SUPT3H: variants seen among roughly 807,000 people sequenced by gnomAD.
The protein encoded by SUPT3H is transcription initiation protein SPT3 homolog.
In SUPT3H, 44 loss-of-function variants were observed where a neutral mutation model predicts 44.3. That is an observed-to-expected ratio of 0.99 (90% CI 0.78 to 1.28). The LOEUF (loss-of-function observed/expected upper bound fraction) is 1.28, where lower values mean the gene tolerates loss of function less well. Ranked by LOEUF, SUPT3H falls within the 50% of genes most tolerant of loss-of-function variation. The pLI is 0.00. For synonymous variants in SUPT3H, 124 were observed against 125.6 expected, an observed-to-expected ratio of 0.99 and a Z score of 0.09; for missense variants, 380 against 387.1, an observed-to-expected ratio of 0.98 and a Z score of 0.15.
intron 2 of SUPT3H, among the ~76,000 whole-genome samples, chr6:45,183,538 A>G (rs756017791): frequency 6.6e-6 from 1 of 152,244 alleles, no homozygotes; most frequent in Non-Finnish European, 1.5e-5. Context: ...ACAAGCTTTT[A>G]AACAACCAGC....
chr6:44,917,368 C>T (rs1481161467), intron 10 of SUPT3H, among the ~76,000 whole-genome samples: 1 of 152,142 alleles, frequency 6.6e-6, no homozygotes, highest in Non-Finnish European at 1.5e-5. Flanking sequence ...TACATGTTTA[C>T]ACACATATAC....
intron 2 of SUPT3H, among the ~76,000 whole-genome samples, chr6:45,148,314 A>T (rs1368169203): frequency 6.6e-6 from 1 of 152,162 alleles, no homozygotes; most frequent in Non-Finnish European, 1.5e-5. Context: ...ATGTTACACA[A>T]GAGAAAATCA....
intron 9 of SUPT3H, among the ~76,000 whole-genome samples, chr6:44,938,782 C>A (rs1771910766): frequency 6.6e-6 from 1 of 152,026 alleles, no homozygotes; most frequent in Non-Finnish European, 1.5e-5. Context: ...TTGTAGAGAT[C>A]TTTCATTTCA....
chr6:45,038,793 T>C (rs1184588596), intron 3 of SUPT3H, among the ~76,000 whole-genome samples: 1 of 152,176 alleles, frequency 6.6e-6, no homozygotes, highest in African/African-American at 2.4e-5. Context: ...TTTAAAGGTG[T>C]ATTATACCTT....
chr6:44,969,245 T>G (rs1292931578), intron 6 of SUPT3H, among the ~76,000 whole-genome samples: 1 of 152,212 alleles, frequency 6.6e-6, no homozygotes, highest in Non-Finnish European at 1.5e-5. Context: ...AGAATGCATG[T>G]ACCTTAATTC....
chr6:45,307,296 G>A (rs895275911), intron 2 of SUPT3H, among the ~76,000 whole-genome samples: 4 of 152,318 alleles, frequency 2.6e-5, no homozygotes, highest in South Asian at 2.1e-4. Context: ...ACAGCTGGAG[G>A]TCTGAGAACA....
At chr6:44,942,483 C>T (rs376475587) in intron 9 of SUPT3H, among the ~76,000 whole-genome samples, 8 of 152,076 alleles carry the variant, frequency 5.3e-5, no homozygotes, top group East Asian at 1.9e-4. Context: ...CCTTGATAAA[C>T]GAGATGCCAG....
intron 10 of SUPT3H, among the ~76,000 whole-genome samples, chr6:44,857,592 A>T (rs1265731198): frequency 6.6e-6 from 1 of 152,200 alleles, no homozygotes; most frequent in Non-Finnish European, 1.5e-5. Flanking sequence ...TGCTATTATT[A>T]TGTAGCATTA....
At chr6:45,219,605 T>A (rs919390446) in intron 2 of SUPT3H, among the ~76,000 whole-genome samples, 1 of 152,136 alleles carries the variant, frequency 6.6e-6, no homozygotes, top group South Asian at 2.1e-4. Context: ...ATATGAACTG[T>A]CCTATAACAA....
chr6:44,913,256 T>C (rs1767329594), intron 10 of SUPT3H, among the ~76,000 whole-genome samples: 1 of 152,216 alleles, frequency 6.6e-6, no homozygotes, highest in Admixed American at 6.5e-5. Flanking sequence ...GCTACAATGC[T>C]GAGAATTCTT....
rs571588146 is a variant in SUPT3H at position 45,075,558 on chromosome 6, G to A, written c.186+30364C>T. 4.6e-5 allele frequency among the ~76,000 whole-genome samples: 7 copies of A among 152,084 alleles called. No individual in the cohort carries two copies. The East Asian group carries it at 5.8e-4, about 13-fold the overall frequency. ...ATTACATTATCTGGTAAATTTTCTC[G>A]TCATGAAATTCCATCTCATGATAGC... On this transcript the variant is annotated intron_variant, in intron 3 of 10. Coordinates refer to ENST00000371459, the MANE Select transcript of SUPT3H (RefSeq NM_003599.4).
At chr6:45,057,868 A>T (rs891549723) in intron 3 of SUPT3H, among the ~76,000 whole-genome samples, 1 of 152,130 alleles carries the variant, frequency 6.6e-6, no homozygotes, top group African/African-American at 2.4e-5. Flanking sequence ...AAAACAAGAA[A>T]AAAGAAAAAT....
intron 2 of SUPT3H, among the ~76,000 whole-genome samples, chr6:45,332,416 T>C (rs1274028107): frequency 6.6e-6 from 1 of 151,820 alleles, no homozygotes; most frequent in Non-Finnish European, 1.5e-5. Context: ...CTATATTATT[T>C]ATTTTTGCAT....
intron 11 of SUPT3H, among the ~76,000 whole-genome samples, chr6:44,815,720 A>G (rs7769218): frequency 0.17 from 25,233 of 152,090 alleles, 2,684 homozygotes; most frequent in Admixed American, 0.29. Flanking sequence ...AGATAAGTCT[A>G]CAATATTAAT....
At chr6:45,185,655 CCT>C (rs774563951) in intron 2 of SUPT3H, among the ~76,000 whole-genome samples, 15 of 152,222 alleles carry the variant, frequency 9.9e-5, no homozygotes, top group Non-Finnish European at 2.2e-4. Flanking sequence ...ACATAAGCTT[CCT>C]CTGTTCCCCC....
At chr6:45,329,682 A>G (rs984863232) in intron 2 of SUPT3H, among the ~76,000 whole-genome samples, 15 of 152,068 alleles carry the variant, frequency 9.9e-5, no homozygotes, top group African/African-American at 3.6e-4. Context: ...TTTAAAAGCC[A>G]CAACTATTAA....
At chr6:45,275,535 G>C (rs1366540852) in intron 2 of SUPT3H, among the ~76,000 whole-genome samples, 1 of 152,178 alleles carries the variant, frequency 6.6e-6, no homozygotes, top group Non-Finnish European at 1.5e-5. Flanking sequence ...TCACAGATTT[G>C]AAGAGACTAA....
intron 2 of SUPT3H, among the ~76,000 whole-genome samples, chr6:45,151,010 C>T (rs764665465): frequency 4.6e-5 from 7 of 152,144 alleles, no homozygotes; most frequent in South Asian, 2.1e-4. Context: ...CGTGAGCCAC[C>T]GCACCCAGCC....
At chr6:44,895,079 CATTT>C (rs1339298667) in intron 10 of SUPT3H, among the ~76,000 whole-genome samples, 2 of 152,068 alleles carry the variant, frequency 1.3e-5, no homozygotes, top group East Asian at 1.9e-4. Context: ...TTTTCTTTAA[CATTT>C]ATTTTTTTCC....
Sources: gnomAD v4.1 joint callset for allele counts (sites outside exome capture counted in the v4.1 genomes callset) on GRCh38, gnomAD v4.1.1 for gene constraint, MANE v1.5 for transcripts, NCBI Gene and HGNC (gene_info 2026-07-23, HGNC 2026-07-21) for gene names.